The following PAX5 variants were observed in gnomAD, a reference collection of about 807,000 sequenced individuals.
PAX5 encodes the protein paired box 5, also known as paired box protein Pax-5.
In PAX5, 9 loss-of-function variants were observed where a neutral mutation model predicts 43.7. The observed-to-expected ratio is 0.21, with a 90% confidence interval of 0.12 to 0.36. The LOEUF is 0.36. Among genes scored for constraint, PAX5 ranks in the 10% least tolerant of loss-of-function variants. PAX5 has a pLI of 1.00. For synonymous variants in PAX5, 228 were observed against 214.3 expected (o/e 1.06, Z -0.56); for missense variants, 383 against 532.7 (o/e 0.72, Z 2.77).
At chr9:36,855,112 A>C (rs996772757) in intron 8 of PAX5, among the ~76,000 whole-genome samples, 1 of 152,254 alleles carries the variant, frequency 6.6e-6, no homozygotes, top group Non-Finnish European at 1.5e-5. Context: ...ATTCAGTGGA[A>C]ACAAACTCCA....
rs537413576 is a variant in PAX5 at position 36,906,676 on chromosome 9, G to A, written c.910+16679C>T. Reference sequence around the variant, plus strand: ...CAGGCAGCCGTCAGGCCTGCTCCACGCTGGACAGATCCCCCCGCAAGCTCT... The same window carrying A: ...CAGGCAGCCGTCAGGCCTGCTCCACACTGGACAGATCCCCCCGCAAGCTCT... On this transcript the variant is annotated intron_variant, in intron 7 of 9. Transcript: ENST00000358127. Among the ~76,000 whole-genome samples the A allele has an allele frequency of 3.3e-3, 503 of 152,342 alleles. 1 individual carries two copies. The highest frequency in any genetic ancestry group is 0.011 in the African/African-American group (459 of 41,582).
At chr9:36,906,034 C>A (rs572355145) in intron 7 of PAX5, among the ~76,000 whole-genome samples, 1 of 152,230 alleles carries the variant, frequency 6.6e-6, no homozygotes, top group South Asian at 2.1e-4. Flanking sequence ...AGAAACGGAG[C>A]AAAAGAGGTG....
intron 6 of PAX5, among the ~76,000 whole-genome samples, chr9:36,938,080 G>C (rs1363887375): frequency 2.0e-5 from 3 of 152,164 alleles, no homozygotes; most frequent in Non-Finnish European, 4.4e-5. Flanking sequence ...CCAAATTTTA[G>C]CTAATGTCAA....
chr9:36,864,807 G>C (rs1824687635), intron 8 of PAX5, among the ~76,000 whole-genome samples: 1 of 152,234 alleles, frequency 6.6e-6, no homozygotes, highest in Non-Finnish European at 1.5e-5. Context: ...GCCCCTCCTG[G>C]CTGGAGTGAG....
rs575532588 is a variant in PAX5 at position 36,980,874 on chromosome 9, C to T, written c.605-14150G>A. On this transcript the variant is annotated intron_variant, in intron 5 of 9. Transcript: ENST00000358127. ...TTCTAGGCTGCTGTCTACTCCCACT[C>T]TGAGCAAAACCCACAGCCCCTCACA... Among the ~76,000 whole-genome samples the T allele has an allele frequency of 4.6e-5, 7 of 152,250 alleles. No homozygotes were observed. The South Asian group carries it at 1.2e-3, about 27-fold the overall frequency.
rs1433178126 is a variant in PAX5 at position 36,882,242 on chromosome 9, G to A, written c.911-137C>T. 13 of 609,792 alleles carry A rather than the reference G, an allele frequency of 2.1e-5. No homozygotes were observed. Among genetic ancestry groups the A allele is most frequent in the South Asian group, 2.0e-4 (10 of 50,444 alleles). 37.8% of individuals were successfully genotyped at this position (609,792 alleles called of 1,614,324 possible). On this transcript the variant is annotated intron_variant, in intron 7 of 9. Coordinates refer to ENST00000358127, the MANE Select transcript of PAX5 (RefSeq NM_016734.3). This position sits in a 1 kb window ranked among gnomAD's most constrained non-coding sequence, Gnocchi z 4.4. ...AATGTGCCCCCAGCTCCCCCCTGTCGCTCACACGCTCTCACAAACACACAT... is the reference window on the plus strand; with the variant it reads ...AATGTGCCCCCAGCTCCCCCCTGTCACTCACACGCTCTCACAAACACACAT...
intron 5 of PAX5, among the ~76,000 whole-genome samples, chr9:36,990,532 C>A (rs1039378130): frequency 3.9e-5 from 6 of 152,074 alleles, no homozygotes; most frequent in African/African-American, 1.5e-4. Flanking sequence ...CTTTCAGCTG[C>A]TATGTGGAGG....
intron 7 of PAX5, among the ~76,000 whole-genome samples, chr9:36,895,980 C>T (rs559080773): frequency 9.9e-5 from 15 of 152,250 alleles, no homozygotes; most frequent in African/African-American, 2.6e-4. Flanking sequence ...CAGAAAACCC[C>T]GCACTTCCTC....
intron 9 of PAX5, among the ~76,000 whole-genome samples, chr9:36,846,203 C>T (rs180847693): frequency 1.3e-5 from 2 of 152,340 alleles, no homozygotes; most frequent in East Asian, 3.9e-4. Flanking sequence ...ATGGTCTTTG[C>T]GGTGGCCCAA....
chr9:36,879,504 C>T (rs554581212), intron 8 of PAX5, among the ~76,000 whole-genome samples: 1 of 152,216 alleles, frequency 6.6e-6, no homozygotes, highest in South Asian at 2.1e-4. Flanking sequence ...TTGACTGATT[C>T]AGAGAGCACA....
chr9:36,965,655 A>G (rs7044533), intron 6 of PAX5, among the ~76,000 whole-genome samples: 114,761 of 152,174 alleles, frequency 0.75, 43,527 homozygotes, highest in South Asian at 0.87. Context: ...TTTAGAGGAA[A>G]CTCAGCGCAG....
chr9:36,954,234 G>A (rs1340592387), intron 6 of PAX5, among the ~76,000 whole-genome samples: 4 of 151,914 alleles, frequency 2.6e-5, no homozygotes, highest in Admixed American at 2.6e-4. Context: ...ATGTTAATCT[G>A]GCAGATCTCA....
chr9:36,964,400 GC>G (rs1834235853), intron 6 of PAX5, among the ~76,000 whole-genome samples: 1 of 151,710 alleles, frequency 6.6e-6, no homozygotes, highest in Non-Finnish European at 1.5e-5. Flanking sequence ...ACTAAGCCTG[GC>G]CAACATGGTG....
At chr9:36,858,359 G>A (rs937559754) in intron 8 of PAX5, among the ~76,000 whole-genome samples, 2 of 152,040 alleles carry the variant, frequency 1.3e-5, no homozygotes, top group Admixed American at 1.3e-4. Flanking sequence ...CTCAAACTAG[G>A]AGTCCAAGTC....
intron 6 of PAX5, among the ~76,000 whole-genome samples, chr9:36,959,762 A>G (rs1007688737): frequency 3.3e-5 from 5 of 152,264 alleles, no homozygotes; most frequent in Admixed American, 6.5e-5. Context: ...TCTAAGAGTC[A>G]GTGGGCAGCC....
At chr9:36,924,779 G>A (rs1315243258) in intron 6 of PAX5, among the ~76,000 whole-genome samples, 1 of 100,230 alleles carries the variant, frequency 1.0e-5, no homozygotes, top group Non-Finnish European at 2.2e-5. Flanking sequence ...AAGGAAGGAA[G>A]GAAAAGAGAA....
Position 36,910,022 on chromosome 9 carries a change from C to T in PAX5, c.910+13333G>A, listed in dbSNP as rs533357659. ...GATTTTTGTAGAGACGGGGTTTCAC[C>T]ATGTTGCTCAGGCTGGTCTTGAACT... On this transcript the variant is annotated intron_variant, in intron 7 of 9. Transcript: ENST00000358127. Among the ~76,000 whole-genome samples the T allele has an allele frequency of 2.2e-4, 34 of 152,016 alleles. 1 individual carries two copies. The South Asian group carries it at 6.7e-3, about 30-fold the overall frequency.
chr9:37,007,738 A>G (rs894978499), intron 3 of PAX5: 2 of 152,260 alleles, frequency 1.3e-5, no homozygotes, highest in Non-Finnish European at 2.9e-5. Context: ...CTCTTTGGAC[A>G]GTATGGGAAA....
chr9:36,883,563 C>T (rs756840284), intron 7 of PAX5, among the ~76,000 whole-genome samples: 14 of 151,978 alleles, frequency 9.2e-5, no homozygotes, highest in Admixed American at 2.0e-4. Context: ...CCCAGCTACT[C>T]GGGAGGCTGA....
Sources: gnomAD v4.1 joint callset for allele counts (sites outside exome capture counted in the v4.1 genomes callset) on GRCh38, gnomAD v4.1.1 for gene constraint, Gnocchi (gnomAD v3.1) non-coding constraint, MANE v1.5 for transcripts, NCBI Gene and HGNC (gene_info 2026-07-23, HGNC 2026-07-21) for gene names.